Variants in SH3TC1 observed in about 807,000 individuals in gnomAD.
The protein encoded by SH3TC1 is SH3 domain and tetratricopeptide repeats 1.
In SH3TC1, 135 loss-of-function variants were observed where a neutral mutation model predicts 117.3. That is an observed-to-expected ratio of 1.15 (90% CI 1.00 to 1.33). The LOEUF (loss-of-function observed/expected upper bound fraction) is 1.33. Ranked by LOEUF, SH3TC1 falls within the 40% of genes most tolerant of loss-of-function variation. SH3TC1 has a pLI of 0.00. For synonymous variants in SH3TC1, 898 were observed against 816.9 expected (o/e 1.10, Z -1.69); for missense variants, 2,092 against 1,794.3 (o/e 1.17, Z -3.00).
At chr4:8,220,021 G>A (rs1302228418) in intron 9 of SH3TC1, among the ~76,000 whole-genome samples, 1 of 152,174 alleles carries the variant, frequency 6.6e-6, no homozygotes, top group Non-Finnish European at 1.5e-5. Flanking sequence ...GTCTTCCTCT[G>A]TGTGTCTTCC....
intron 1 of SH3TC1, among the ~76,000 whole-genome samples, chr4:8,184,669 GT>G (rs1252425754): frequency 6.6e-6 from 1 of 152,174 alleles, no homozygotes; most frequent in Non-Finnish European, 1.5e-5. Flanking sequence ...ATGAGCCACT[GT>G]GGCCGGCTGG....
chr4:8,212,155 G>A (rs774750603), intron 3 of SH3TC1, among the ~76,000 whole-genome samples: 5 of 152,246 alleles, frequency 3.3e-5, no homozygotes, highest in Admixed American at 1.3e-4. Flanking sequence ...GGGAAGAAGT[G>A]GAGAGGAGCC....
intron 5 of SH3TC1, 150 bp from the exon 6 acceptor site, chr4:8,215,961 C>T: frequency 1.0e-6 from 1 of 966,264 alleles, no homozygotes; most frequent in South Asian, 1.7e-5. Flanking sequence ...GTGTAGCCAG[C>T]ACTGTGGGCA....
rs1268476958 is a variant in SH3TC1 at position 8,214,539 on chromosome 4, C to T, written c.440C>T (p.Thr147Ile). 1.9e-6 allele frequency: 3 copies of T among 1,613,894 alleles called. No homozygotes were observed. The highest frequency in any genetic ancestry group is 2.5e-6 in the Non-Finnish European group (3 of 1,179,996). ...GACCGGATCGTGGTGACGTTTAAGA[C>T]TTTTGAAGAAATCTGGAAGTTTTCC... is the stretch of plus-strand genomic sequence containing the variant. ...DQDRIVVTFK[T>I]FEEIWKFSTY... Residue 147 changes from threonine to isoleucine, a missense_variant, in exon 5 of 18, where the codon ACT (threonine) becomes ATT (isoleucine). By Grantham distance (89) the Thr-to-Ile change is moderately conservative (BLOSUM62 -1). Transcript: ENST00000245105.
In SH3TC1 at chr4:8,205,442, C is replaced by A; in HGVS notation, c.172+76C>A. On this transcript the variant is annotated intron_variant, in intron 2 of 17. Coordinates refer to ENST00000245105, the MANE Select transcript of SH3TC1 (RefSeq NM_018986.5). The surrounding 1 kb of genome is among the most constrained non-coding windows in gnomAD (Gnocchi z 5.4). ...ACCCCACCCGCCCCGTCCATCCATC[C>A]CTCACCACCCTGCCTGCCTCCAGGC... The A allele has an allele frequency of 1.3e-6, 2 of 1,516,978 alleles. No individual in the cohort carries two copies. The highest frequency in any genetic ancestry group is 1.8e-6 in the Non-Finnish European group (2 of 1,117,562). The allele number at this position is 1,516,978 out of a possible 1,614,324, so 94.0% of individuals were successfully genotyped here. A position where few individuals can be genotyped will look rare whatever the true frequency, so the allele number is the denominator to read the frequency against.
intron 12 of SH3TC1, among the ~76,000 whole-genome samples, chr4:8,230,927 GCA>G (rs1721142349): frequency 6.6e-6 from 1 of 151,840 alleles, no homozygotes; most frequent in Non-Finnish European, 1.5e-5. Flanking sequence ...TTACAGACAT[GCA>G]CCACCACACC....
Position 8,218,326 on chromosome 4 carries a change from A to G in SH3TC1, c.895A>G (p.Met299Val), listed in dbSNP as rs1036406075. Residue 299 changes from methionine (M) to valine (V), a missense_variant, in exon 8 of 18, where the codon ATG becomes GTG. By Grantham distance (21) the Met-to-Val change is conservative. Transcript: ENST00000245105. ...CGACGATGCCATGGGTGGCCCTGTG[A>G]TGCCCGGCAACCCGCTGATGGGTAA... Reference protein sequence around the residue: ...PIDDAMGGPVMPGNPLMAVGL... With the variant: ...PIDDAMGGPVVPGNPLMAVGL... 3.1e-6 allele frequency: 5 copies of G among 1,611,310 alleles called. No homozygotes were observed. Among genetic ancestry groups the G allele is most frequent in the African/African-American group, 2.7e-5 (2 of 74,858 alleles).
rs1164762259 is a variant in SH3TC1, at chr4:8,216,892, G to C, written c.629-65G>C. The C allele has an allele frequency of 4.6e-6, 7 of 1,532,616 alleles. No individual in the cohort carries two copies. In the African/African-American group the frequency reaches 6.8e-5, roughly 15 times the overall value. 94.9% of individuals were successfully genotyped at this position (1,532,616 alleles called of 1,614,324 possible). On this transcript the variant is annotated intron_variant, in intron 6 of 17. Coordinates refer to ENST00000245105, the MANE Select transcript of SH3TC1 (RefSeq NM_018986.5). ...TTCGTTGTCTGTCCGGCAGGGGTGTGGGGGGCAGGGCCACAGCTGCGCCCA... is the reference window on the plus strand; with the variant it reads ...TTCGTTGTCTGTCCGGCAGGGGTGTCGGGGGCAGGGCCACAGCTGCGCCCA...
At position 8,186,501 on chromosome 4, in the gene SH3TC1, T is replaced by C. The variant is rs937193724; in HGVS notation, c.-57+4291T>C. Among the ~76,000 whole-genome samples the C allele has an allele frequency of 3.9e-5, 6 of 152,180 alleles. No individual in the cohort carries two copies. Among genetic ancestry groups the C allele is most frequent in the African/African-American group, 1.4e-4 (6 of 41,446 alleles). Reference sequence around the variant, plus strand: ...TGTGAGTAAAAATAGCAGGTCCACGTTGGTTTACTGAATGTGACAGGTTAC... The same window carrying C: ...TGTGAGTAAAAATAGCAGGTCCACGCTGGTTTACTGAATGTGACAGGTTAC... On this transcript the variant is annotated intron_variant, in intron 1 of 16. Transcript: ENST00000508641. The surrounding 1 kb of genome is among the most constrained non-coding windows in gnomAD (Gnocchi z 5.2).
In SH3TC1 at chr4:8,183,356, G is replaced by A. The variant is rs920423883; in HGVS notation, c.-57+1146G>A. Among the ~76,000 whole-genome samples, 12 of 152,312 alleles carry A rather than the reference G, an allele frequency of 7.9e-5. No homozygotes were observed. Among genetic ancestry groups the A allele is most frequent in the African/African-American group, 2.6e-4 (11 of 41,574 alleles). The stretch of plus-strand genomic sequence containing the variant: ...CAAAGCCCTGCCTCGGTTTCCTGGT[G>A]CTGTGGGAACAATGACCAGAAACCG... On this transcript the variant is annotated intron_variant, in intron 1 of 16. Coordinates refer to the SH3TC1 transcript ENST00000508641. The surrounding 1 kb of genome is among the most constrained non-coding windows in gnomAD (Gnocchi z 5.4).
chr4:8,215,410 A>ATCCCACTGTGGACGTGGGCTTC (rs1215442283), intron 5 of SH3TC1, among the ~76,000 whole-genome samples: 1 of 152,178 alleles, frequency 6.6e-6, no homozygotes, highest in Non-Finnish European at 1.5e-5. Flanking sequence ...GCTGAGGCTC[A>ATCCCACTGTGGACGTGGGCTTC]TCCCACTGTG....
chr4:8,199,720 G>C (rs956253592), intron 1 of SH3TC1, among the ~76,000 whole-genome samples: 5 of 152,210 alleles, frequency 3.3e-5, no homozygotes, highest in Non-Finnish European at 7.4e-5. Context: ...GGCCCTGGGG[G>C]TCTGGGAGCA....
Position 8,228,553 on chromosome 4 carries a change from C to T in SH3TC1, c.2859C>T (p.Gly953=), listed in dbSNP as rs768207258. 3 of 1,607,930 alleles carry T rather than the reference C, an allele frequency of 1.9e-6. No individual in the cohort carries two copies. Among genetic ancestry groups the T allele is most frequent in the South Asian group, 1.1e-5 (1 of 90,240 alleles). ...RDFTHVLLQL[G]HLCTRQGPAQ... is the part of the protein sequence containing the mutation. Reference sequence around the variant, plus strand: ...TCACCCACGTGCTCCTGCAGCTGGGCCATCTCTGCACCCGCCAGGGCCCGG... The same window carrying T: ...TCACCCACGTGCTCCTGCAGCTGGGTCATCTCTGCACCCGCCAGGGCCCGG... Residue 953 remains glycine (G), a synonymous_variant, in exon 12 of 18, where the codon GGC becomes GGT. Coordinates refer to ENST00000245105, the MANE Select transcript of SH3TC1 (RefSeq NM_018986.5).
chr4:8,182,081 G>A (rs1367485327), exon 1 of SH3TC1: 1 of 152,366 alleles, frequency 6.6e-6, no homozygotes, highest in Non-Finnish European at 1.5e-5. Flanking sequence ...CACTAAAAAT[G>A]TGCACCTTCT....
At chr4:8,212,652 T>C (rs1335182712) in intron 3 of SH3TC1, 49 bp from the exon 4 acceptor site, 1 of 1,611,280 alleles carries the variant, frequency 6.2e-7, no homozygotes. Flanking sequence ...CCCCACAGAC[T>C]TCCCAGCCCA....
chr4:8,206,521 T>C lies in SH3TC1; in HGVS notation c.172+1155T>C, dbSNP rs1171015070. Among the ~76,000 whole-genome samples the C allele has an allele frequency of 6.6e-6, 1 of 151,730 alleles. No homozygotes were observed. Reference sequence around the variant, plus strand: ...CCTCTGGGAAGGGGAGTGGTAGGAGTTGGAAGCCTTTGCCCTGAGTGGCTG... The same window carrying C: ...CCTCTGGGAAGGGGAGTGGTAGGAGCTGGAAGCCTTTGCCCTGAGTGGCTG... On this transcript the variant is annotated intron_variant, in intron 2 of 17. Transcript: ENST00000245105. This position sits in a 1 kb window ranked among gnomAD's most constrained non-coding sequence, Gnocchi z 5.5.
At chr4:8,207,775 C>G (rs1034684422) in intron 2 of SH3TC1, among the ~76,000 whole-genome samples, 3 of 152,184 alleles carry the variant, frequency 2.0e-5, no homozygotes, top group Non-Finnish European at 4.4e-5. Context: ...TGAGATATTC[C>G]AGGCTTATCT....
Position 8,227,689 on chromosome 4 carries a change from C to A in SH3TC1, c.1995C>A (p.Ala665=). The change falls in exon 12 of 18, where the codon GCC becomes GCA. Residue 665 remains alanine, a synonymous_variant. Transcript: ENST00000245105. The part of the protein sequence containing the change: ...AVGGQSLQAE[A]RACFLLARHH... ...GTGGCCAGAGCCTGCAGGCCGAGGCCCGGGCCTGCTTCCTGCTGGCCAGGC... is the reference window on the plus strand; with the variant it reads ...GTGGCCAGAGCCTGCAGGCCGAGGCACGGGCCTGCTTCCTGCTGGCCAGGC... 2 of 1,553,104 alleles carry A rather than the reference C, an allele frequency of 1.3e-6. No individual in the cohort carries two copies. The highest frequency in any genetic ancestry group is 8.7e-7 in the Non-Finnish European group (1 of 1,148,240).
At chr4:8,182,407 A>G (rs1366265409) in intron 1 of SH3TC1, among the ~76,000 whole-genome samples, 1 of 152,172 alleles carries the variant, frequency 6.6e-6, no homozygotes, top group African/African-American at 2.4e-5. Flanking sequence ...ATGGGGTTTC[A>G]GGCGAAGGGC....
Sources: gnomAD v4.1 joint callset for allele counts (sites outside exome capture counted in the v4.1 genomes callset) on GRCh38, gnomAD v4.1.1 for gene constraint, Gnocchi (gnomAD v3.1) non-coding constraint, MANE v1.5 for transcripts, NCBI Gene and HGNC (gene_info 2026-07-23, HGNC 2026-07-21) for gene names.